LAMB1: variants seen among roughly 807,000 people sequenced by gnomAD.
The protein encoded by LAMB1 is laminin subunit beta 1, also known as laminin subunit beta-1.
A neutral mutation model predicts 222.3 loss-of-function variants in LAMB1; 121 were observed. The ratio of observed to expected loss-of-function variants is 0.54; its 90% confidence interval spans 0.47 to 0.63. The LOEUF is 0.63. Among genes scored for constraint, LAMB1 ranks in the 30% least tolerant of loss-of-function variants. LAMB1 has a pLI of 0.00. For missense variants in LAMB1, 2,172 were observed against 2,240.8 expected, an observed-to-expected ratio of 0.97 and a Z score of 0.62; for synonymous variants, 794 against 807.2, an observed-to-expected ratio of 0.98 and a Z score of 0.28.
chr7:107,986,526 C>T (rs1293562632), intron 5 of LAMB1, among the ~76,000 whole-genome samples, 163 bp from the exon 6 acceptor site: 2 of 152,172 alleles, frequency 1.3e-5, no homozygotes, highest in African/African-American at 4.8e-5. Flanking sequence ...AGCTGTTCCA[C>T]AGAGACTCTT....
In LAMB1 at chr7:107,953,559, T is replaced by C. The variant is rs773398036; in HGVS notation, c.3050A>G (p.Tyr1017Cys). ...EHCQFCRFGY[Y>C]GDALQQDCRK... ...ACAGTCCTGCTGGAGGGCATCACCA[T>C]AGTATCCAAACCGGCAGAACTGACA... The change falls in exon 22 of 34, where the codon TAT becomes TGT. Residue 1017 changes from tyrosine (Y) to cysteine (C), a missense_variant. Transcript: ENST00000222399. 8.7e-6 allele frequency: 14 copies of C among 1,613,984 alleles called. No homozygotes were observed. The African/African-American group carries it at 1.2e-4, about 14-fold the overall frequency.
chr7:107,995,451 G>C (rs780842117), intron 4 of LAMB1, among the ~76,000 whole-genome samples: 3 of 152,206 alleles, frequency 2.0e-5, no homozygotes, highest in Non-Finnish European at 4.4e-5. Flanking sequence ...ATAAATAAGA[G>C]TCTACCACAT....
intron 2 of LAMB1, chr7:108,002,166 T>G: frequency 7.0e-7 from 1 of 1,418,500 alleles, no homozygotes. Context: ...AGCCCGCGCA[T>G]CCTCGGTGTG....
chr7:107,998,526 G>C, intron 3 of LAMB1, 34 bp from the exon 4 acceptor site: 3 of 1,582,244 alleles, frequency 1.9e-6, no homozygotes, highest in Admixed American at 1.8e-5. Flanking sequence ...AGTCTAGAAA[G>C]CAATCTCATT....
At chr7:107,981,660 A>G (rs946472611) in intron 7 of LAMB1, among the ~76,000 whole-genome samples, 1 of 152,258 alleles carries the variant, frequency 6.6e-6, no homozygotes, top group Non-Finnish European at 1.5e-5. Flanking sequence ...GCGGGCAGAC[A>G]GTAATTTGAA....
intron 21 of LAMB1, 119 bp from the exon 22 acceptor site, chr7:107,953,873 G>A: frequency 3.8e-6 from 3 of 790,394 alleles, no homozygotes; most frequent in Non-Finnish European, 6.5e-6. Flanking sequence ...TCACTGCACT[G>A]TTTAAAGAGC....
intron 31 of LAMB1, among the ~76,000 whole-genome samples, chr7:107,927,621 A>C (rs1364213603): frequency 6.6e-6 from 1 of 152,174 alleles, no homozygotes; most frequent in East Asian, 1.9e-4. Context: ...CCTGGCTTTC[A>C]AAACAATAAT....
intron 21 of LAMB1, among the ~76,000 whole-genome samples, chr7:107,954,959 G>T (rs2033343841): frequency 6.6e-6 from 1 of 152,190 alleles, no homozygotes. Flanking sequence ...ATTTGTAACA[G>T]TGGCTTCAAG....
rs1213918423 is a variant in LAMB1, at chr7:107,924,243, C to A, written c.5211G>T (p.Leu1737=). 6.2e-7 allele frequency: 1 copy of A among 1,609,396 alleles called. No individual in the cohort carries two copies. The highest frequency in any genetic ancestry group is 8.5e-7 in the Non-Finnish European group (1 of 1,178,650). The change falls in exon 33 of 34, where the codon CTG becomes CTT. Residue 1737 remains leucine (L), a synonymous_variant. Transcript: ENST00000222399. ...GAAAAGACCCACCTTTGAGCAGTTG[C>A]AGCTTGCTATTTGCTTGAGCTAAAA... The part of the protein sequence containing the change: ...KTLLAQANSK[L]QLLKDLERKY...
intron 21 of LAMB1, 146 bp downstream of exon 21, chr7:107,955,321 A>G: frequency 4.3e-6 from 3 of 697,818 alleles, no homozygotes; most frequent in Non-Finnish European, 6.6e-6. Flanking sequence ...GCCAAATAGG[A>G]AAAGAGCATC....
Position 107,961,225 on chromosome 7 carries a change from G to A in LAMB1, c.2090C>T (p.Pro697Leu), listed in dbSNP as rs1489521492. 6 of 1,613,986 alleles carry A rather than the reference G, an allele frequency of 3.7e-6. No individual in the cohort carries two copies. The East Asian group carries it at 1.3e-4, about 36-fold the overall frequency. The part of the protein sequence containing the change: ...YTSSDSDVES[P>L]YTLIDSLVLM... ...ACTTACAGAATCGATCAGCGTGTAG[G>A]GGCTCTCCACGTCGCTATCAGAGGA... The change falls in exon 17 of 34, where the codon CCC becomes CTC. Residue 697 changes from proline (P) to leucine (L), a missense_variant. By Grantham distance (98) the Pro-to-Leu change is moderately conservative. Transcript: ENST00000222399.
chr7:107,976,394 A>G (rs538670145), intron 9 of LAMB1, among the ~76,000 whole-genome samples: 1 of 152,310 alleles, frequency 6.6e-6, no homozygotes, highest in Admixed American at 6.5e-5. Flanking sequence ...ATAGTAAGGA[A>G]GGTAGGTCTG....
chr7:108,001,782 G>A (rs2034391462), intron 2 of LAMB1, 49 bp from the exon 3 acceptor site: 1 of 1,600,428 alleles, frequency 6.2e-7, no homozygotes. Context: ...GCAGGGAGTG[G>A]AGCCCGAAAA....
At chr7:107,995,654 G>A (rs528126433) in intron 4 of LAMB1, among the ~76,000 whole-genome samples, 1 of 152,254 alleles carries the variant, frequency 6.6e-6, no homozygotes, top group South Asian at 2.1e-4. Context: ...TGCCCTGAGG[G>A]TCAGTCAGTC....
chr7:107,958,434 C>G (rs1204083827), intron 20 of LAMB1, among the ~76,000 whole-genome samples: 1 of 152,218 alleles, frequency 6.6e-6, no homozygotes, highest in Non-Finnish European at 1.5e-5. Context: ...ATTTCTCTTT[C>G]ACCTGATGAG....
intron 30 of LAMB1, 35 bp from the exon 31 acceptor site, chr7:107,929,240 T>C (rs758267200): frequency 6.2e-7 from 1 of 1,610,772 alleles, no homozygotes; most frequent in Non-Finnish European, 8.5e-7. Context: ...ATATTGTTGC[T>C]GAACATGAAA....
chr7:107,994,722 G>A (rs951400115), intron 5 of LAMB1, among the ~76,000 whole-genome samples, 165 bp downstream of exon 5: 2 of 152,186 alleles, frequency 1.3e-5, no homozygotes, highest in Non-Finnish European at 2.9e-5. Flanking sequence ...TTTGTTAAAT[G>A]CAGTTATTCA....
rs760545144 is a variant in LAMB1 at position 107,964,509 on chromosome 7, CAAA to C, written c.1698+40_1698+42del. 4.0e-5 allele frequency: 64 copies of C among 1,612,550 alleles called. 1 individual carries two copies. ...AAAGCATGTATGTTCCACTACACCC[CAAA>C]ACACTGCTTTACCGACCTGCCACAC... is the stretch of plus-strand genomic sequence containing the variant. On this transcript the variant is annotated intron_variant, in intron 14 of 33. Coordinates refer to ENST00000222399, the MANE Select transcript of LAMB1 (RefSeq NM_002291.3).
intron 26 of LAMB1, among the ~76,000 whole-genome samples, 177 bp downstream of exon 26, chr7:107,936,916 C>T (rs112487638): frequency 1.3e-5 from 2 of 152,066 alleles, no homozygotes; most frequent in African/African-American, 4.8e-5. Flanking sequence ...TTCTCTGTGC[C>T]CAAGTCCCAC....
Sources: allele counts gnomAD v4.1 joint callset (sites outside exome capture counted in the v4.1 genomes callset), GRCh38; gene constraint gnomAD v4.1.1; transcripts MANE v1.5; gene names NCBI Gene and HGNC (gene_info 2026-07-23, HGNC 2026-07-21).